Variants in CSMD1 observed in about 807,000 individuals in gnomAD.
CSMD1 encodes CUB and Sushi multiple domains 1.
CSMD1 carries 213 observed loss-of-function variants against 417.5 expected under a neutral mutation model. That is an observed-to-expected ratio of 0.51 (90% confidence interval 0.46 to 0.57). The LOEUF is 0.57. Ranked by LOEUF, CSMD1 falls within the 20% of genes least tolerant of loss-of-function variation. The pLI is 0.00. For synonymous variants in CSMD1, 2,862 were observed against 1,736.8 expected (o/e 1.65, Z -16.11); for missense variants, 6,923 against 4,529.7 (o/e 1.53, Z -15.17).
chr8:4,587,595 T>G (rs1160995628), intron 2 of CSMD1, among the ~76,000 whole-genome samples: 3 of 152,102 alleles, frequency 2.0e-5, no homozygotes, highest in Non-Finnish European at 4.4e-5. Context: ...AAAGAAGAAA[T>G]AAGCTTTACT....
chr8:4,910,605 C>T (rs908801932), intron 1 of CSMD1, among the ~76,000 whole-genome samples: 1 of 152,134 alleles, frequency 6.6e-6, no homozygotes, highest in Non-Finnish European at 1.5e-5. Context: ...CTAATCACTT[C>T]CCAAAGTCTG....
intron 3 of CSMD1, among the ~76,000 whole-genome samples, chr8:4,401,907 A>T (rs989490330): frequency 8.6e-5 from 13 of 151,844 alleles, no homozygotes; most frequent in African/African-American, 3.1e-4. Flanking sequence ...TCACATGTAG[A>T]TCCTCTTATT....
chr8:4,401,963 G>C (rs1399372479), intron 3 of CSMD1, among the ~76,000 whole-genome samples: 1 of 151,930 alleles, frequency 6.6e-6, no homozygotes, highest in South Asian at 2.1e-4. Flanking sequence ...TGATACACTG[G>C]CTCCTTGAAA....
At chr8:3,704,814 C>G (rs1801075812) in intron 7 of CSMD1, 1 of 152,290 alleles carries the variant, frequency 6.6e-6, no homozygotes, top group Non-Finnish European at 1.5e-5. Flanking sequence ...TTGTCATGAT[C>G]TCTCTCTTTT....
At chr8:4,913,572 C>T (rs750394989) in intron 1 of CSMD1, among the ~76,000 whole-genome samples, 2 of 152,194 alleles carry the variant, frequency 1.3e-5, no homozygotes, top group African/African-American at 2.4e-5. Context: ...ACATATGCGT[C>T]CACAGCTCAT....
intron 26 of CSMD1, among the ~76,000 whole-genome samples, chr8:3,245,736 A>G (rs1799838025): frequency 6.6e-6 from 1 of 152,092 alleles, no homozygotes. Flanking sequence ...GATCACCCCA[A>G]TTTCTGGGTG....
At chr8:4,844,360 A>G (rs1350265210) in intron 1 of CSMD1, among the ~76,000 whole-genome samples, 4 of 152,156 alleles carry the variant, frequency 2.6e-5, no homozygotes, top group Admixed American at 2.0e-4. Context: ...GATCACTGGG[A>G]AAAACTCATG....
At chr8:4,084,227 G>C (rs1262409239) in intron 3 of CSMD1, among the ~76,000 whole-genome samples, 1 of 151,310 alleles carries the variant, frequency 6.6e-6, no homozygotes, top group Non-Finnish European at 1.5e-5. Flanking sequence ...ACTCTGTAGA[G>C]TAGTAATCCC....
chr8:3,435,598 C>T (rs193292733), intron 12 of CSMD1, among the ~76,000 whole-genome samples: 1 of 152,228 alleles, frequency 6.6e-6, no homozygotes, highest in East Asian at 1.9e-4. Context: ...CTAACCACAC[C>T]TCCAACCTAG....
intron 5 of CSMD1, among the ~76,000 whole-genome samples, chr8:3,851,629 T>G (rs1803913263): frequency 6.6e-6 from 1 of 152,034 alleles, no homozygotes; most frequent in Non-Finnish European, 1.5e-5. Context: ...AAACATCCAT[T>G]GCTAACTTAA....
At chr8:3,341,007 T>C (rs1807606498) in intron 23 of CSMD1, among the ~76,000 whole-genome samples, 1 of 152,218 alleles carries the variant, frequency 6.6e-6, no homozygotes, top group South Asian at 2.1e-4. Flanking sequence ...AAAATGTCTG[T>C]AGAATTGGAA....
At chr8:2,940,080 G>GT (rs1801763298) in intron 69 of CSMD1, among the ~76,000 whole-genome samples, 1 of 152,144 alleles carries the variant, frequency 6.6e-6, no homozygotes, top group African/African-American at 2.4e-5. Flanking sequence ...CAGAAACAGG[G>GT]TTTTTCTGGA....
intron 30 of CSMD1, among the ~76,000 whole-genome samples, chr8:3,209,483 A>AC (rs1797482005): frequency 6.6e-6 from 1 of 151,692 alleles, no homozygotes; most frequent in African/African-American, 2.4e-5. Flanking sequence ...TGCCCGGCTA[A>AC]TTTTTTTGTA....
chr8:4,191,645 T>A (rs575459699), intron 3 of CSMD1, among the ~76,000 whole-genome samples: 1 of 150,462 alleles, frequency 6.6e-6, no homozygotes, highest in African/African-American at 2.4e-5. Context: ...TGAAAGAAAA[T>A]GAAAAGCCAT....
chr8:3,309,250 C>A (rs546329747), intron 23 of CSMD1, among the ~76,000 whole-genome samples: 1 of 152,242 alleles, frequency 6.6e-6, no homozygotes, highest in South Asian at 2.1e-4. Context: ...GCACTTATTC[C>A]AGCCCATTGT....
chr8:3,624,977 G>C (rs549031154), intron 7 of CSMD1, among the ~76,000 whole-genome samples: 2 of 152,048 alleles, frequency 1.3e-5, no homozygotes, highest in East Asian at 1.9e-4. Flanking sequence ...TGAACAATAA[G>C]AAAATGTTGC....
intron 25 of CSMD1, among the ~76,000 whole-genome samples, chr8:3,305,417 G>T (rs1156337610): frequency 5.3e-5 from 8 of 151,664 alleles, no homozygotes; most frequent in Non-Finnish European, 1.2e-4. Context: ...CATATTGAAA[G>T]TGGGAGCCCT....
chr8:4,934,893 A>C (rs1563807016), intron 1 of CSMD1, among the ~76,000 whole-genome samples: 1 of 152,176 alleles, frequency 6.6e-6, no homozygotes. Context: ...ATCTGTATCT[A>C]TCATCTACCT....
intron 12 of CSMD1, among the ~76,000 whole-genome samples, chr8:3,409,884 G>A (rs995785287): frequency 2.0e-5 from 3 of 152,196 alleles, no homozygotes; most frequent in Non-Finnish European, 2.9e-5. Flanking sequence ...CAATTAATCG[G>A]TGCATCTTCT....
Sources: gnomAD v4.1 joint callset for allele counts (sites outside exome capture counted in the v4.1 genomes callset) on GRCh38, gnomAD v4.1.1 for gene constraint, MANE v1.5 for transcripts, NCBI Gene and HGNC (gene_info 2026-07-23, HGNC 2026-07-21) for gene names.